The following ATP7A variants were observed in gnomAD, a reference collection of about 807,000 sequenced individuals.
ATP7A encodes ATPase copper transporting alpha.
Under a neutral mutation model 83.5 loss-of-function variants are expected in ATP7A, and 7 were observed. The observed-to-expected ratio is 0.08, with a 90% CI of 0.05 to 0.16. The LOEUF (loss-of-function observed/expected upper bound fraction) is 0.16, where lower values mean the gene tolerates loss of function less well. ATP7A is among the 10% of genes least tolerant of loss of function. The probability of loss-of-function intolerance (pLI) is 1.00; values close to 1 mark genes in which losing one functional copy is unlikely to be tolerated. For synonymous variants in ATP7A, 354 were observed against 395.2 expected (o/e 0.90, Z 1.24); for missense variants, 940 against 1,120.8 (o/e 0.84, Z 2.30).
At chrX:77,982,229 CAG>C (rs1330915093) in intron 2 of ATP7A, among the ~76,000 whole-genome samples, 1 of 111,761 alleles carries the variant, frequency 8.9e-6, no homozygotes, top group Non-Finnish European at 1.9e-5. Flanking sequence ...TGTAAAATAA[CAG>C]AATCCTTTCA....
intron 12 of ATP7A, among the ~76,000 whole-genome samples, chrX:78,016,096 G>C (rs1222552209): frequency 9.0e-6 from 1 of 111,646 alleles, no homozygotes; most frequent in Non-Finnish European, 1.9e-5. Flanking sequence ...CTGAAACTGG[G>C]TAATTTATAA....
intron 1 of ATP7A, among the ~76,000 whole-genome samples, chrX:77,956,206 G>T (rs2077440236): frequency 9.0e-6 from 1 of 111,459 alleles, no homozygotes; most frequent in African/African-American, 3.3e-5. Context: ...TCAATTTTTT[G>T]AGGAATCACC....
At chrX:77,969,874 A>C (rs1407279272) in intron 1 of ATP7A, among the ~76,000 whole-genome samples, 1 of 111,790 alleles carries the variant, frequency 8.9e-6, no homozygotes, top group East Asian at 2.8e-4. Context: ...ATCTTCATGG[A>C]GTTTTTATTC....
chrX:77,920,118 C>T (rs969207079), intron 1 of ATP7A, among the ~76,000 whole-genome samples: 1 of 111,266 alleles, frequency 9.0e-6, no homozygotes, highest in African/African-American at 3.3e-5. Flanking sequence ...CAATCAGGTA[C>T]AGAGCAGAGT....
chrX:77,952,563 A>G (rs1557226911), intron 1 of ATP7A, among the ~76,000 whole-genome samples: 1 of 111,606 alleles, frequency 9.0e-6, no homozygotes, highest in Non-Finnish European at 1.9e-5. Flanking sequence ...TCTTAGCACA[A>G]GACTTTTTAA....
At chrX:78,023,021 C>A (rs782722966) in intron 14 of ATP7A, among the ~76,000 whole-genome samples, 28 of 111,668 alleles carry the variant, frequency 2.5e-4, no homozygotes, top group Non-Finnish European at 4.5e-4. Flanking sequence ...TTAGCTCCTG[C>A]TTATAAGTGA....
At chrX:78,007,540 T>A (rs1256708796) in intron 6 of ATP7A, among the ~76,000 whole-genome samples, 1 of 111,664 alleles carries the variant, frequency 9.0e-6, no homozygotes, top group Non-Finnish European at 1.9e-5. Context: ...TTAGCCAGGA[T>A]GGTCTCGATC....
At chrX:77,960,993 AC>A (rs782576271) in intron 1 of ATP7A, among the ~76,000 whole-genome samples, 17 of 112,066 alleles carry the variant, frequency 1.5e-4, no homozygotes, top group African/African-American at 5.2e-4. Flanking sequence ...AACATATATA[AC>A]AAAGTCAATT....
At chrX:78,020,831 A>C in intron 13 of ATP7A, 114 bp from the exon 14 acceptor site, 1 of 863,792 alleles carries the variant, frequency 1.2e-6, no homozygotes, top group Non-Finnish European at 1.7e-6. Context: ...ATTAACATGA[A>C]GTTTGTTAAA....
chrX:77,962,367 C>A (rs1354862012), intron 1 of ATP7A, among the ~76,000 whole-genome samples: 15 of 111,867 alleles, frequency 1.3e-4, no homozygotes, highest in African/African-American at 3.6e-4. Context: ...TATTTAAACT[C>A]AAAAAAACTC....
At chrX:78,021,618 A>G (rs1347043246) in intron 14 of ATP7A, among the ~76,000 whole-genome samples, 2 of 111,869 alleles carry the variant, frequency 1.8e-5, no homozygotes, top group African/African-American at 6.5e-5. Flanking sequence ...ATGGTGTTGT[A>G]AAGTGGTAAA....
Position 77,989,677 on chromosome X carries a change from A to C in ATP7A, c.1055A>C (p.Glu352Ala). 1 of 1,211,478 alleles carries C rather than the reference A, an allele frequency of 8.3e-7. No homozygotes were observed. The highest frequency in any genetic ancestry group is 3.0e-5 in the East Asian group (1 of 33,844). The change falls in exon 4 of 23, where the codon GAG becomes GCG. Residue 352 changes from glutamate to alanine, a missense_variant. By Grantham distance (107) the Glu-to-Ala change is moderately radical. Around this residue, in one of 3 missense-constraint regions of ATP7A, gnomAD observed 350 missense variants for 432.8 expected, o/e 0.81. Coordinates refer to ENST00000341514, the MANE Select transcript of ATP7A (RefSeq NM_000052.7). ...AGAGTTAGTATCACAAGTGAAGTTG[A>C]GAGTACCTCAAACTCTCCCTCCAGC... is the stretch of plus-strand genomic sequence containing the variant. Reference protein sequence around the residue: ...LYRVSITSEVESTSNSPSSSS... With the variant: ...LYRVSITSEVASTSNSPSSSS...
intron 2 of ATP7A, 22 bp from the exon 3 acceptor site, chrX:77,988,220 T>C (rs781880486): frequency 8.4e-7 from 1 of 1,194,523 alleles, no homozygotes; most frequent in Non-Finnish European, 1.1e-6. Context: ...TTAAACTGAC[T>C]TTTGGAATTT....
chrX:77,998,348 G>A (rs1380329668), intron 4 of ATP7A, 130 bp from the exon 5 acceptor site: 9 of 628,838 alleles, frequency 1.4e-5, no homozygotes, highest in Non-Finnish European at 2.4e-5. Context: ...TAATGCTAAC[G>A]GATAGTAGGA....
At chrX:77,995,303 G>A (rs201585016) in intron 4 of ATP7A, among the ~76,000 whole-genome samples, 19 of 110,734 alleles carry the variant, frequency 1.7e-4, no homozygotes, top group Non-Finnish European at 3.4e-4. Context: ...AGTGGCTTAC[G>A]CCTGTAATCC....
intron 1 of ATP7A, among the ~76,000 whole-genome samples, chrX:77,948,634 G>A (rs2077397152): frequency 9.0e-6 from 1 of 111,406 alleles, no homozygotes; most frequent in Admixed American, 9.6e-5. Context: ...GGACATTGCA[G>A]CCATGGCTTT....
At chrX:77,951,355 T>A (rs2077412772) in intron 1 of ATP7A, among the ~76,000 whole-genome samples, 2 of 111,986 alleles carry the variant, frequency 1.8e-5, no homozygotes, top group Non-Finnish European at 3.8e-5. Flanking sequence ...TATTTTTACA[T>A]CTTGTTCTTT....
At chrX:77,940,446 G>T (rs2077345569) in intron 1 of ATP7A, among the ~76,000 whole-genome samples, 1 of 110,517 alleles carries the variant, frequency 9.0e-6, no homozygotes, top group African/African-American at 3.3e-5. Flanking sequence ...TGATTTTGAA[G>T]AAAAAAAGTT....
intron 1 of ATP7A, among the ~76,000 whole-genome samples, chrX:77,935,338 C>T (rs1201008916): frequency 8.9e-6 from 1 of 111,829 alleles, no homozygotes; most frequent in African/African-American, 3.3e-5. Flanking sequence ...CAATTCTTTT[C>T]TTTTTCAGTC....
Sources: allele counts gnomAD v4.1 joint callset (sites outside exome capture counted in the v4.1 genomes callset), GRCh38; gene constraint gnomAD v4.1.1; regional missense constraint gnomAD v4.1.1; transcripts MANE v1.5; gene names NCBI Gene and HGNC (gene_info 2026-07-23, HGNC 2026-07-21).